C12orf42: variants seen among roughly 807,000 people sequenced by gnomAD.
C12orf42 encodes the protein chromosome 12 open reading frame 42, also known as uncharacterized protein C12orf42.
C12orf42 carries 25 observed loss-of-function variants against 21.6 expected under a neutral mutation model. That is an observed-to-expected ratio of 1.16 (90% CI 0.84 to 1.62). C12orf42 has a LOEUF of 1.62. Among genes scored for constraint, C12orf42 ranks in the 40% most tolerant of loss-of-function variants. The pLI, the probability that C12orf42 is intolerant of heterozygous loss-of-function variation, is 0.00. For missense variants in C12orf42, 483 were observed against 459.3 expected (o/e 1.05, Z -0.47); for synonymous variants, 174 against 175.0 (o/e 0.99, Z 0.05).
chr12:103,206,114 G>GGTTT, the C12orf42 span, among the ~76,000 whole-genome samples: 2 of 152,310 alleles, frequency 1.3e-5, no homozygotes, highest in Admixed American at 6.5e-5. Context: ...TAGTGACTAG[G>GGTTT]GTTTAGTGCC....
chr12:103,496,685 T>C (rs920489670), upstream of C12orf42, among the ~76,000 whole-genome samples: 1 of 152,072 alleles, frequency 6.6e-6, no homozygotes, highest in Non-Finnish European at 1.5e-5. Context: ...TTTTCTGGGC[T>C]AGCTAATTAC....
the C12orf42 span, among the ~76,000 whole-genome samples, chr12:103,177,367 G>A: frequency 1.5e-3 from 223 of 152,232 alleles, no homozygotes; most frequent in African/African-American, 5.1e-3. Flanking sequence ...TTGACCAAAA[G>A]TTACCCCTAA....
chr12:103,139,836 G>A, the C12orf42 span, among the ~76,000 whole-genome samples: 1 of 152,176 alleles, frequency 6.6e-6, no homozygotes, highest in South Asian at 2.1e-4. Flanking sequence ...TTAAAAAAAG[G>A]AGAAAAGGCA....
intron 2 of C12orf42, among the ~76,000 whole-genome samples, chr12:103,474,181 TC>T (rs1352740209): frequency 2.6e-5 from 4 of 152,066 alleles, no homozygotes; most frequent in Admixed American, 1.3e-4. Context: ...TTCATGCCTT[TC>T]CTAAGCCCTA....
At chr12:103,430,849 A>G (rs535704580) in intron 2 of C12orf42, among the ~76,000 whole-genome samples, 8 of 152,340 alleles carry the variant, frequency 5.3e-5, no homozygotes, top group African/African-American at 1.7e-4. Flanking sequence ...TATTCTCAGC[A>G]AACTAACACA....
intron 2 of C12orf42, among the ~76,000 whole-genome samples, chr12:103,410,139 C>G (rs1225225704): frequency 6.6e-6 from 1 of 152,166 alleles, no homozygotes; most frequent in Non-Finnish European, 1.5e-5. Flanking sequence ...TCTCCTACCC[C>G]ACTGTCATCC....
the C12orf42 span, among the ~76,000 whole-genome samples, chr12:103,076,289 C>CT: frequency 0.015 from 2,119 of 140,544 alleles, 61 homozygotes; most frequent in African/African-American, 0.05. Context: ...TTACCCAAGC[C>CT]TTTTTTTTTT....
At chr12:103,147,604 TGCCACTTCTTCTCTCTCTC>T in the C12orf42 span, among the ~76,000 whole-genome samples, 3 of 146,684 alleles carry the variant, frequency 2.0e-5, no homozygotes, top group South Asian at 4.3e-4. Flanking sequence ...CACAGTACTT[TGCCACTTCTTCTCTCTCTC>T]TTTTTTTTTT....
intron 4 of C12orf42, among the ~76,000 whole-genome samples, chr12:103,351,538 C>T (rs986399651): frequency 3.3e-5 from 5 of 152,124 alleles, no homozygotes; most frequent in African/African-American, 7.2e-5. Flanking sequence ...TTGATTTGCA[C>T]ATTCAACGCA....
chr12:103,464,482 T>C (rs569530743), intron 2 of C12orf42, among the ~76,000 whole-genome samples: 3 of 151,870 alleles, frequency 2.0e-5, no homozygotes, highest in Non-Finnish European at 4.4e-5. Flanking sequence ...GTCAGATAGA[T>C]AGATTGCAAA....
At chr12:103,419,573 G>A (rs184993400) in intron 2 of C12orf42, among the ~76,000 whole-genome samples, 1 of 152,180 alleles carries the variant, frequency 6.6e-6, no homozygotes, top group African/African-American at 2.4e-5. Flanking sequence ...AAAGACCAGT[G>A]ACTCCAACTG....
intron 1 of C12orf42, among the ~76,000 whole-genome samples, chr12:103,488,786 G>C (rs935636152): frequency 6.6e-6 from 1 of 152,106 alleles, no homozygotes; most frequent in East Asian, 1.9e-4. Context: ...TCATGCCATG[G>C]TTTTCAGCTC....
intron 4 of C12orf42, among the ~76,000 whole-genome samples, chr12:103,356,079 A>G (rs1453617377): frequency 6.6e-6 from 1 of 151,966 alleles, no homozygotes; most frequent in African/African-American, 2.4e-5. Flanking sequence ...TCAAACTTAA[A>G]AGTCTAACTC....
At chr12:103,383,040 G>A (rs1457583419) in intron 3 of C12orf42, among the ~76,000 whole-genome samples, 1 of 152,044 alleles carries the variant, frequency 6.6e-6, no homozygotes, top group Non-Finnish European at 1.5e-5. Flanking sequence ...CATTGTCCTT[G>A]TCACAATATG....
At chr12:103,274,081 C>T (rs2035625291) in intron 5 of C12orf42, among the ~76,000 whole-genome samples, 1 of 152,122 alleles carries the variant, frequency 6.6e-6, no homozygotes, top group Non-Finnish European at 1.5e-5. Flanking sequence ...GACAGAAACC[C>T]CTCTAAGTGC....
chr12:103,440,473 A>AAAAAAAAAAAAAAC, intron 2 of C12orf42, among the ~76,000 whole-genome samples: 1 of 146,366 alleles, frequency 6.8e-6, no homozygotes, highest in African/African-American at 2.5e-5. Flanking sequence ...AAAAAAAAAA[A>AAAAAAAAAAAAAAC]AAAAAAGAAA....
chr12:103,449,471 T>TC (rs1192288197), intron 2 of C12orf42, among the ~76,000 whole-genome samples: 1 of 151,550 alleles, frequency 6.6e-6, no homozygotes, highest in Non-Finnish European at 1.5e-5. Context: ...CACCCCCTGT[T>TC]CCCCAAAAAC....
chr12:103,428,662 CA>C (rs1301828733), intron 2 of C12orf42, among the ~76,000 whole-genome samples: 1 of 151,906 alleles, frequency 6.6e-6, no homozygotes, highest in Non-Finnish European at 1.5e-5. Flanking sequence ...AGAGACACAA[CA>C]AAAAAAGAAA....
intron 2 of C12orf42, among the ~76,000 whole-genome samples, chr12:103,466,072 T>A (rs1266550993): frequency 6.6e-6 from 1 of 152,190 alleles, no homozygotes; most frequent in Non-Finnish European, 1.5e-5. Flanking sequence ...ATTGCTGTTG[T>A]ATCTTTGCCA....
Sources: gnomAD v4.1 joint callset for allele counts (sites outside exome capture counted in the v4.1 genomes callset) on GRCh38, gnomAD v4.1.1 for gene constraint, MANE v1.5 for transcripts, NCBI Gene and HGNC (gene_info 2026-07-23, HGNC 2026-07-21) for gene names.